The following STIM1 variants were observed in gnomAD, a reference collection of about 807,000 sequenced individuals.
The protein encoded by STIM1 is stromal interaction molecule 1.
In STIM1, 25 loss-of-function variants were observed where a neutral mutation model predicts 74.7. That is an observed-to-expected ratio of 0.33 (90% CI 0.24 to 0.47). The LOEUF (loss-of-function observed/expected upper bound fraction) is 0.47. Ranked by LOEUF, STIM1 falls within the 20% of genes least tolerant of loss-of-function variation. The probability of loss-of-function intolerance (pLI) is 1.00; values close to 1 mark genes in which losing one functional copy is unlikely to be tolerated. For missense variants in STIM1, 728 were observed against 920.8 expected (o/e 0.79, Z 2.71); for synonymous variants, 328 against 348.8 (o/e 0.94, Z 0.66).
chr11:4,078,773 G>A lies in STIM1; in HGVS notation c.970-3411G>A, dbSNP rs2094450218. On this transcript the variant is annotated intron_variant, in intron 7 of 12. Transcript: ENST00000526596. ...TTTAGTAGAGAAGGGGTTTCACCAT[G>A]TTGGTCAGGCTGGTCTCGAACTCCT... Among the ~76,000 whole-genome samples, 2 of 151,572 alleles carry A rather than the reference G, an allele frequency of 1.3e-5. 1 individual carries two copies. Among genetic ancestry groups the A allele is most frequent in the South Asian group, 4.2e-4 (2 of 4,816 alleles).
chr11:3,935,050 C>T (rs762133887), intron 1 of STIM1, among the ~76,000 whole-genome samples: 12 of 152,244 alleles, frequency 7.9e-5, no homozygotes, highest in African/African-American at 2.4e-4. Flanking sequence ...GTCATCTTTT[C>T]GCAGCTGCAG....
chr11:3,987,242 T>G (rs147146575), intron 2 of STIM1, among the ~76,000 whole-genome samples: 1 of 152,362 alleles, frequency 6.6e-6, no homozygotes, highest in African/African-American at 2.4e-5. Flanking sequence ...TGTAAGGGAC[T>G]GTGCCTTAAA....
chr11:4,084,898 T>TGTAGTTAGTAGGG, intron 11 of STIM1, 133 bp downstream of exon 11: 3 of 649,432 alleles, frequency 4.6e-6, no homozygotes, highest in Non-Finnish European at 7.2e-6. Flanking sequence ...GCACTGTCCC[T>TGTAGTTAGTAGGG]ACTAACTACA....
intron 2 of STIM1, among the ~76,000 whole-genome samples, chr11:3,979,882 C>T (rs1253885446): frequency 6.6e-6 from 1 of 152,070 alleles, no homozygotes; most frequent in Non-Finnish European, 1.5e-5. Context: ...CCTCTTGTGC[C>T]CCTCCCTGCA....
At chr11:4,010,597 A>G (rs2093826059) in intron 2 of STIM1, among the ~76,000 whole-genome samples, 1 of 152,190 alleles carries the variant, frequency 6.6e-6, no homozygotes. Flanking sequence ...CATACCTGAA[A>G]TGAGGGACAT....
intron 3 of STIM1, among the ~76,000 whole-genome samples, chr11:4,046,059 CT>C (rs35783768): frequency 4.4e-4 from 26 of 59,068 alleles, no homozygotes; most frequent in East Asian, 1.9e-3. Context: ...CGTGAGCTAC[CT>C]TTTTTTTTTT....
At chr11:3,928,608 C>T (rs921352553) in intron 1 of STIM1, among the ~76,000 whole-genome samples, 1 of 151,788 alleles carries the variant, frequency 6.6e-6, no homozygotes, top group Non-Finnish European at 1.5e-5. Context: ...TGTGTGTGTG[C>T]GCGTGTGTGC....
At chr11:3,901,853 T>C (rs2092357182) in intron 1 of STIM1, among the ~76,000 whole-genome samples, 1 of 152,236 alleles carries the variant, frequency 6.6e-6, no homozygotes, top group Non-Finnish European at 1.5e-5. Context: ...CTTGACTTCC[T>C]GGGCTCAGGT....
chr11:3,873,279 G>C (rs1199154512), intron 1 of STIM1, among the ~76,000 whole-genome samples: 1 of 151,946 alleles, frequency 6.6e-6, no homozygotes, highest in Non-Finnish European at 1.5e-5. Flanking sequence ...TTAGCTGAGC[G>C]TGGTGGCGCA....
At chr11:3,892,740 C>A (rs2091935759) in intron 1 of STIM1, 1 of 1,613,076 alleles carries the variant, frequency 6.2e-7, no homozygotes, top group African/African-American at 1.3e-5. Context: ...AAGCAGGAAC[C>A]CTTATAACCA....
intron 1 of STIM1, among the ~76,000 whole-genome samples, chr11:3,915,692 C>T (rs533119393): frequency 1.5e-4 from 23 of 152,182 alleles, no homozygotes; most frequent in South Asian, 6.2e-4. Flanking sequence ...CCACCGTGCC[C>T]GGCCTAGTTT....
At chr11:3,885,482 T>C (rs1170927224) in intron 1 of STIM1, among the ~76,000 whole-genome samples, 1 of 152,244 alleles carries the variant, frequency 6.6e-6, no homozygotes, top group African/African-American at 2.4e-5. Context: ...CATAGTGCTC[T>C]GCCAAACATA....
chr11:3,981,931 C>T (rs1414620753), intron 2 of STIM1, among the ~76,000 whole-genome samples: 3 of 152,194 alleles, frequency 2.0e-5, no homozygotes, highest in African/African-American at 7.2e-5. Flanking sequence ...AAGATAGTTT[C>T]AGGTATACTT....
chr11:4,037,040 C>G (rs1258553913), intron 3 of STIM1, among the ~76,000 whole-genome samples: 1 of 151,502 alleles, frequency 6.6e-6, no homozygotes. Context: ...TATCTTTTTC[C>G]TTTCTTTTCT....
intron 1 of STIM1, among the ~76,000 whole-genome samples, chr11:3,940,104 A>G (rs987503266): frequency 8.5e-5 from 13 of 152,172 alleles, no homozygotes; most frequent in South Asian, 6.2e-4. Context: ...GAAGAAATTA[A>G]TTCATGGTTT....
At chr11:4,074,477 C>G in intron 6 of STIM1, 25 bp from the exon 7 acceptor site, 1 of 1,612,648 alleles carries the variant, frequency 6.2e-7, no homozygotes, top group Non-Finnish European at 8.5e-7. Context: ...CTGGCCTCCT[C>G]CAGCTCCCTG....
At chr11:3,946,350 C>T (rs1156599147) in intron 1 of STIM1, among the ~76,000 whole-genome samples, 10 of 152,082 alleles carry the variant, frequency 6.6e-5, no homozygotes, top group African/African-American at 1.9e-4. Flanking sequence ...AAATGTCATT[C>T]GTCTCCATAC....
chr11:3,934,078 G>C (rs983056934), intron 1 of STIM1, among the ~76,000 whole-genome samples: 1 of 152,192 alleles, frequency 6.6e-6, no homozygotes, highest in Non-Finnish European at 1.5e-5. Flanking sequence ...ACTGACATTA[G>C]AGTGGAGAGA....
At chr11:3,951,220 G>T (rs2093143814) in intron 1 of STIM1, among the ~76,000 whole-genome samples, 1 of 152,200 alleles carries the variant, frequency 6.6e-6, no homozygotes, top group African/African-American at 2.4e-5. Flanking sequence ...AAGGCATCCT[G>T]TAAGGAAGGG....
Sources: allele counts gnomAD v4.1 joint callset (sites outside exome capture counted in the v4.1 genomes callset), GRCh38; gene constraint gnomAD v4.1.1; transcripts MANE v1.5; gene names NCBI Gene and HGNC (gene_info 2026-07-23, HGNC 2026-07-21).